LRRC8A: variants seen among roughly 807,000 people sequenced by gnomAD.
LRRC8A encodes the protein leucine rich repeat containing 8 VRAC subunit A, also known as volume-regulated anion channel subunit LRRC8A.
LRRC8A carries 24 observed loss-of-function variants against 52.5 expected under a neutral mutation model. The ratio of observed to expected loss-of-function variants is 0.46; its 90% CI spans 0.33 to 0.64. The LOEUF (loss-of-function observed/expected upper bound fraction) is 0.64. Among genes scored for constraint, LRRC8A ranks in the 30% least tolerant of loss-of-function variants. The probability of loss-of-function intolerance (pLI) is 0.02; values close to 1 mark genes in which losing one functional copy is unlikely to be tolerated. For missense variants in LRRC8A, 677 were observed against 1,094.7 expected, an observed-to-expected ratio of 0.62 and a Z score of 5.38; for synonymous variants, 492 against 494.2, an observed-to-expected ratio of 1.00 and a Z score of 0.06.
intron 1 of LRRC8A, chr9:128,882,481 C>T (rs1839103623): frequency 2.6e-6 from 1 of 383,004 alleles, no homozygotes; most frequent in Non-Finnish European, 4.6e-6. Context: ...AGCCCCCTCC[C>T]AGGCACCCCT....
chr9:128,910,935 A>G (rs891800154), intron 3 of LRRC8A, among the ~76,000 whole-genome samples: 4 of 152,186 alleles, frequency 2.6e-5, no homozygotes, highest in Admixed American at 2.6e-4. Flanking sequence ...CCCACGGTGC[A>G]GTCCCTGTTG....
intron 2 of LRRC8A, among the ~76,000 whole-genome samples, chr9:128,903,006 C>A (rs1336277097): frequency 6.6e-6 from 1 of 152,134 alleles, no homozygotes; most frequent in East Asian, 1.9e-4. Flanking sequence ...CTTGGGCAGG[C>A]GGAGGGCAAG....
intron 2 of LRRC8A, among the ~76,000 whole-genome samples, chr9:128,890,535 C>T (rs966114516): frequency 4.6e-5 from 7 of 152,136 alleles, no homozygotes; most frequent in East Asian, 1.9e-4. Flanking sequence ...GGGCGGTGGG[C>T]GGGAATCCTG....
At chr9:128,909,678 C>T (rs764489594) in intron 3 of LRRC8A, among the ~76,000 whole-genome samples, 21 of 152,198 alleles carry the variant, frequency 1.4e-4, no homozygotes, top group Admixed American at 8.5e-4. Context: ...GGTCCAAACC[C>T]GGGGGTTCTC....
intron 1 of LRRC8A, among the ~76,000 whole-genome samples, chr9:128,883,517 A>G (rs1379418564): frequency 6.6e-6 from 1 of 152,206 alleles, no homozygotes; most frequent in Non-Finnish European, 1.5e-5. Flanking sequence ...CCTCTGGCTC[A>G]TGAAGTGAGG....
At chr9:128,915,254 T>C (rs1333120079) in intron 3 of LRRC8A, among the ~76,000 whole-genome samples, 1 of 152,220 alleles carries the variant, frequency 6.6e-6, no homozygotes, top group Non-Finnish European at 1.5e-5. Context: ...CTATATGTTC[T>C]GTTCGTTGCT....
At chr9:128,910,689 CAAAGT>C (rs1266138552) in intron 3 of LRRC8A, among the ~76,000 whole-genome samples, 1 of 152,104 alleles carries the variant, frequency 6.6e-6, no homozygotes, top group Non-Finnish European at 1.5e-5. Flanking sequence ...GACCCAGTCT[CAAAGT>C]AAAATGAAGA....
chr9:128,911,926 C>G lies in LRRC8A; in HGVS notation c.2157+2605C>G, dbSNP rs1444500951. ...CCTCCTCACTCGGGCTTGATGGCTC[C>G]TTCTCAGCCACCTTGGCCAGTGGTG... On this transcript the variant is annotated intron_variant, in intron 3 of 3. Coordinates refer to ENST00000372600, the MANE Select transcript of LRRC8A (RefSeq NM_019594.4). This position sits in a 1 kb window ranked among gnomAD's most constrained non-coding sequence, Gnocchi z 4.9. Among the ~76,000 whole-genome samples the G allele has an allele frequency of 6.6e-6, 1 of 152,258 alleles. No individual in the cohort carries two copies. Among genetic ancestry groups the G allele is most frequent in the Non-Finnish European group, 1.5e-5 (1 of 68,044 alleles).
chr9:128,913,069 T>C (rs1840630426), intron 3 of LRRC8A, among the ~76,000 whole-genome samples: 1 of 152,088 alleles, frequency 6.6e-6, no homozygotes, highest in Non-Finnish European at 1.5e-5. Context: ...TGGGTGAAGA[T>C]GGGTCCTTGA....
chr9:128,888,349 C>T (rs1164919106), intron 2 of LRRC8A, among the ~76,000 whole-genome samples: 1 of 152,102 alleles, frequency 6.6e-6, no homozygotes, highest in Non-Finnish European at 1.5e-5. Flanking sequence ...GTTTTGGCCT[C>T]CACCCACCAC....
At chr9:128,897,726 T>C (rs1159267418) in intron 2 of LRRC8A, among the ~76,000 whole-genome samples, 2 of 151,864 alleles carry the variant, frequency 1.3e-5, no homozygotes, top group Non-Finnish European at 2.9e-5. Context: ...TTGTATTTAG[T>C]AGAAATGGGG....
chr9:128,907,123 C>T lies in LRRC8A; in HGVS notation c.-8-34C>T, dbSNP rs756179150. The T allele has an allele frequency of 2.6e-6, 4 of 1,546,218 alleles. No homozygotes were observed. In the African/African-American group the frequency reaches 4.1e-5, roughly 16 times the overall value. ...CTGGTCCTAGGAAAGCCAGGCCACC[C>T]TGTGCTAACCCCCCTCCTATGGCTC... On this transcript the variant is annotated intron_variant, in intron 2 of 3. Coordinates refer to ENST00000372600, the MANE Select transcript of LRRC8A (RefSeq NM_019594.4). This position sits in a 1 kb window ranked among gnomAD's most constrained non-coding sequence, Gnocchi z 9.3.
intron 2 of LRRC8A, among the ~76,000 whole-genome samples, chr9:128,891,100 G>C (rs111568096): frequency 1.5e-4 from 23 of 151,850 alleles, no homozygotes; most frequent in African/African-American, 5.6e-4. Flanking sequence ...GTGAAACCCC[G>C]TTTCTACTAA....
rs1255854575 is a variant in LRRC8A at position 128,916,502 on chromosome 9, G to A, written c.*131G>A. 101 of 1,174,744 alleles carry A rather than the reference G, an allele frequency of 8.6e-5. 1 individual carries two copies. Among genetic ancestry groups the A allele is most frequent in the South Asian group, 5.2e-4 (33 of 63,396 alleles). The allele number at this position is 1,174,744 out of a possible 1,614,324, so 72.8% of individuals were successfully genotyped here. The stretch of plus-strand genomic sequence containing the variant: ...CGTGGCTGGGCAGGAGCCTGGGGCC[G>A]CTTGTGAGTCAGGCCAGAGCGAGAG... On this transcript the variant is annotated 3_prime_UTR_variant, in exon 4 of 4. Coordinates refer to ENST00000372600, the MANE Select transcript of LRRC8A (RefSeq NM_019594.4). The surrounding 1 kb of genome is among the most constrained non-coding windows in gnomAD (Gnocchi z 6.1).
At chr9:128,895,329 A>G (rs903949951) in intron 2 of LRRC8A, among the ~76,000 whole-genome samples, 2 of 152,234 alleles carry the variant, frequency 1.3e-5, no homozygotes, top group African/African-American at 4.8e-5. Context: ...AGCCTGGGCC[A>G]CGGAGCAAAG....
At chr9:128,909,393 G>T in intron 3 of LRRC8A, 72 bp downstream of exon 3, 1 of 1,441,238 alleles carries the variant, frequency 6.9e-7, no homozygotes, top group South Asian at 1.2e-5. Context: ...TGGGGCACTC[G>T]GCAGGCTCAG....
At chr9:128,909,394 G>A in intron 3 of LRRC8A, 73 bp downstream of exon 3, 1 of 1,441,472 alleles carries the variant, frequency 6.9e-7, no homozygotes, top group Admixed American at 1.8e-5. Context: ...GGGGCACTCG[G>A]CAGGCTCAGT....
At chr9:128,897,503 C>T (rs1173121267) in intron 2 of LRRC8A, among the ~76,000 whole-genome samples, 3 of 151,894 alleles carry the variant, frequency 2.0e-5, no homozygotes, top group Non-Finnish European at 4.4e-5. Context: ...CCACAGCACA[C>T]GGCCTGTCTT....
rs927021775 is a variant in LRRC8A, at chr9:128,899,620, A to G, written c.-8-7537A>G. Among the ~76,000 whole-genome samples the G allele has an allele frequency of 2.0e-5, 3 of 152,128 alleles. No individual in the cohort carries two copies. Among genetic ancestry groups the G allele is most frequent in the East Asian group, 3.9e-4 (2 of 5,188 alleles). On this transcript the variant is annotated intron_variant, in intron 2 of 3. Coordinates refer to ENST00000372600, the MANE Select transcript of LRRC8A (RefSeq NM_019594.4). The surrounding 1 kb of genome is among the most constrained non-coding windows in gnomAD (Gnocchi z 4.0). ...TTAGAACGTGGTGAGCCTTGAGGAC[A>G]TTACGTTAAGTGATACAGCCCATCA...
Sources: allele counts gnomAD v4.1 joint callset (sites outside exome capture counted in the v4.1 genomes callset), GRCh38; gene constraint gnomAD v4.1.1; non-coding constraint Gnocchi (gnomAD v3.1); transcripts MANE v1.5; gene names NCBI Gene and HGNC (gene_info 2026-07-23, HGNC 2026-07-21).